Variants in DAB1 observed in about 807,000 individuals in gnomAD.
DAB1 encodes the protein DAB adaptor protein 1.
DAB1 carries 15 observed loss-of-function variants against 64.6 expected under a neutral mutation model. The observed-to-expected ratio is 0.23, with a 90% CI of 0.16 to 0.36. The LOEUF is 0.36. DAB1 is among the 10% of genes least tolerant of loss of function. DAB1 has a pLI of 1.00. For synonymous variants in DAB1, 235 were observed against 251.9 expected (o/e 0.93, Z 0.64); for missense variants, 596 against 706.7 (o/e 0.84, Z 1.78).
intron 7 of DAB1, among the ~76,000 whole-genome samples, chr1:57,635,060 C>T (rs1052614142): frequency 3.3e-5 from 5 of 152,116 alleles, no homozygotes; most frequent in African/African-American, 1.2e-4. Context: ...CATGGAGGTA[C>T]AGGGGACCCA....
intron 7 of DAB1, among the ~76,000 whole-genome samples, chr1:57,435,360 T>C (rs559261799): frequency 7.2e-5 from 11 of 152,192 alleles, no homozygotes; most frequent in Non-Finnish European, 1.3e-4. Context: ...AAATTTGACT[T>C]CTTAAATAAT....
chr1:57,565,550 G>A (rs1329874717), intron 7 of DAB1, among the ~76,000 whole-genome samples: 3 of 152,082 alleles, frequency 2.0e-5, no homozygotes, highest in Admixed American at 6.6e-5. Context: ...AGAGACACAA[G>A]TAGGCTCAAA....
chr1:57,567,377 T>C (rs1645136048), intron 7 of DAB1, among the ~76,000 whole-genome samples: 2 of 152,182 alleles, frequency 1.3e-5, no homozygotes, highest in Non-Finnish European at 2.9e-5. Context: ...AAGACAGGGA[T>C]GCCCTCTCTC....
rs974530672 is a variant in DAB1 at position 58,124,121 on chromosome 1, T to C, written n.387+26390A>G. Among the ~76,000 whole-genome samples, 4 of 152,020 alleles carry C rather than the reference T, an allele frequency of 2.6e-5. No homozygotes were observed. In the South Asian group the frequency reaches 8.3e-4, roughly 32 times the overall value. ...GTGCGTGCATGTTTATCTGGTATCA[T>C]CCTGTAGCAGTAGATTTGGGATGCA... On this transcript the variant is annotated intron_variant and non_coding_transcript_variant, in intron 5 of 20. Coordinates refer to the DAB1 transcript ENST00000485760.
At chr1:57,807,618 A>T (rs1450852230) in intron 6 of DAB1, among the ~76,000 whole-genome samples, 7 of 152,166 alleles carry the variant, frequency 4.6e-5, no homozygotes, top group Admixed American at 3.3e-4. Context: ...ACAAATGCAT[A>T]ATTGACCTTT....
chr1:58,179,674 T>C lies in DAB1; in HGVS notation n.310-29086A>G, dbSNP rs141883044. 3.1e-3 allele frequency among the ~76,000 whole-genome samples: 472 copies of C among 152,260 alleles called. 1 individual carries two copies. The highest frequency in any genetic ancestry group is 1.0e-2 in the African/African-American group (414 of 41,582). On this transcript the variant is annotated intron_variant and non_coding_transcript_variant, in intron 4 of 20. Transcript: ENST00000485760. The stretch of plus-strand genomic sequence containing the variant: ...TTAATTTCTGTAAGGTGGTTAGTAA[T>C]GTCATCTCTTTCATTCCAATTTTTT...
intron 4 of DAB1, among the ~76,000 whole-genome samples, chr1:58,172,663 C>A (rs1393703971): frequency 1.3e-5 from 2 of 152,186 alleles, no homozygotes; most frequent in East Asian, 3.9e-4. Context: ...CTAATCCTGA[C>A]CTTAACCTAT....
chr1:57,543,626 C>T (rs1345093847), intron 7 of DAB1, among the ~76,000 whole-genome samples: 2 of 152,072 alleles, frequency 1.3e-5, no homozygotes, highest in East Asian at 3.9e-4. Context: ...TAGTAATTGA[C>T]TCTGTCGGTA....
At chr1:57,398,480 T>C (rs1682988640) in intron 1 of DAB1, among the ~76,000 whole-genome samples, 1 of 152,192 alleles carries the variant, frequency 6.6e-6, no homozygotes, top group African/African-American at 2.4e-5. Flanking sequence ...AGAGACTTAA[T>C]TGTTTTTTAT....
chr1:57,025,263 T>C (rs1646747825), intron 10 of DAB1, among the ~76,000 whole-genome samples: 2 of 152,210 alleles, frequency 1.3e-5, no homozygotes, highest in Admixed American at 6.5e-5. Context: ...GATTCTGTTT[T>C]GCTTTGGTGT....
intron 1 of DAB1, among the ~76,000 whole-genome samples, chr1:57,313,050 T>C (rs977839554): frequency 2.6e-5 from 4 of 152,212 alleles, no homozygotes; most frequent in African/African-American, 9.6e-5. Flanking sequence ...TGTGCATTTC[T>C]GTCTGTCGTT....
intron 3 of DAB1, among the ~76,000 whole-genome samples, chr1:58,399,215 C>T (rs1644549934): frequency 6.6e-6 from 1 of 152,196 alleles, no homozygotes; most frequent in Non-Finnish European, 1.5e-5. Context: ...TTGAAGTGTA[C>T]AAAATAATGC....
At chr1:57,692,912 C>T (rs570176907) in intron 6 of DAB1, among the ~76,000 whole-genome samples, 2 of 152,270 alleles carry the variant, frequency 1.3e-5, no homozygotes, top group Non-Finnish European at 2.9e-5. Flanking sequence ...CAATGCCTTT[C>T]AAACTCTTGT....
chr1:57,676,068 T>A (rs972927498), intron 6 of DAB1, among the ~76,000 whole-genome samples: 3 of 152,074 alleles, frequency 2.0e-5, no homozygotes, highest in Non-Finnish European at 4.4e-5. Flanking sequence ...GGGATAAACA[T>A]AGCATTTAAG....
intron 1 of DAB1, among the ~76,000 whole-genome samples, chr1:58,529,264 T>C (rs1473857294): frequency 6.6e-6 from 1 of 152,200 alleles, no homozygotes; most frequent in African/African-American, 2.4e-5. Context: ...AGCACCCAGA[T>C]GGCACTCTGA....
At chr1:57,918,951 G>C (rs1426947575) in intron 5 of DAB1, among the ~76,000 whole-genome samples, 1 of 152,162 alleles carries the variant, frequency 6.6e-6, no homozygotes, top group Non-Finnish European at 1.5e-5. Context: ...GTTTTTGTCA[G>C]GACAAACTAT....
chr1:58,174,187 C>A (rs1375628547), intron 4 of DAB1, among the ~76,000 whole-genome samples: 2 of 152,126 alleles, frequency 1.3e-5, no homozygotes, highest in South Asian at 2.1e-4. Flanking sequence ...TGAAATGTCA[C>A]CTGGCATTTA....
At chr1:57,833,175 T>G (rs1004458792) in intron 1 of DAB1, among the ~76,000 whole-genome samples, 1 of 152,184 alleles carries the variant, frequency 6.6e-6, no homozygotes, top group Non-Finnish European at 1.5e-5. Flanking sequence ...TATTGCCTAT[T>G]ATCGGTGGTG....
chr1:57,030,115 G>A (rs1029827311), intron 9 of DAB1, among the ~76,000 whole-genome samples: 2 of 152,116 alleles, frequency 1.3e-5, no homozygotes, highest in African/African-American at 2.4e-5. Flanking sequence ...TTCAATCATG[G>A]GGGCTGGTCT....
Sources: gnomAD v4.1 joint callset for allele counts (sites outside exome capture counted in the v4.1 genomes callset) on GRCh38, gnomAD v4.1.1 for gene constraint, MANE v1.5 for transcripts, NCBI Gene and HGNC (gene_info 2026-07-23, HGNC 2026-07-21) for gene names.